The following THRAP3 variants were observed in gnomAD, a reference collection of about 807,000 sequenced individuals.
THRAP3 encodes the protein thyroid hormone receptor associated protein 3, also known as thyroid hormone receptor-associated protein 3.
A neutral mutation model predicts 101.0 loss-of-function variants in THRAP3; 16 were observed. The ratio of observed to expected loss-of-function variants is 0.16; its 90% confidence interval spans 0.11 to 0.24. The LOEUF (loss-of-function observed/expected upper bound fraction) is 0.24. Ranked by LOEUF, THRAP3 falls within the 10% of genes least tolerant of loss-of-function variation. THRAP3 has a pLI of 1.00. For synonymous variants in THRAP3, 407 were observed against 422.6 expected, an observed-to-expected ratio of 0.96 and a Z score of 0.45; for missense variants, 989 against 1,202.7, an observed-to-expected ratio of 0.82 and a Z score of 2.63.
intron 1 of THRAP3, among the ~76,000 whole-genome samples, chr1:36,240,104 C>G (rs543075078): frequency 6.6e-6 from 1 of 152,270 alleles, no homozygotes; most frequent in South Asian, 2.1e-4. Context: ...CATTAAGGTT[C>G]TCCAGAGGGA....
At chr1:36,214,209 C>T in the THRAP3 span, among the ~76,000 whole-genome samples, 10 of 152,282 alleles carry the variant, frequency 6.6e-5, no homozygotes, top group African/African-American at 2.4e-4. Flanking sequence ...GTTGGCTCTC[C>T]GTAGGTGGCA....
intron 1 of THRAP3, among the ~76,000 whole-genome samples, chr1:36,256,947 C>T (rs1645383680): frequency 6.6e-6 from 1 of 152,096 alleles, no homozygotes; most frequent in Non-Finnish European, 1.5e-5. Flanking sequence ...AGGCACCAGC[C>T]ACCTCGCCAG....
chr1:36,305,178 C>T lies in THRAP3; in HGVS notation c.*1161C>T, dbSNP rs1557465541. 4.5e-6 allele frequency: 1 copy of T among 221,634 alleles called. No individual in the cohort carries two copies. 13.7% of individuals were successfully genotyped at this position (221,634 alleles called of 1,614,324 possible). A position where few individuals can be genotyped will look rare whatever the true frequency, so the allele number is the denominator to read the frequency against. ...ATATGTTATATGCGGACTGCACCCA[C>T]CTCTCCCCCCCAGCCTTTGCCTCTT... On this transcript the variant is annotated 3_prime_UTR_variant, in exon 12 of 12. Transcript: ENST00000354618.
At chr1:36,268,701 T>C (rs1645546752) in intron 2 of THRAP3, among the ~76,000 whole-genome samples, 1 of 151,746 alleles carries the variant, frequency 6.6e-6, no homozygotes, top group Admixed American at 6.6e-5. Context: ...AGAAAAGTAA[T>C]CCATGTGTCC....
At chr1:36,275,229 G>A (rs1159172635) in intron 2 of THRAP3, among the ~76,000 whole-genome samples, 3 of 148,542 alleles carry the variant, frequency 2.0e-5, no homozygotes, top group African/African-American at 5.0e-5. Flanking sequence ...GGCGGAGCTT[G>A]CAGCAAGGTA....
chr1:36,232,281 A>G (rs968477830), intron 1 of THRAP3, among the ~76,000 whole-genome samples: 5 of 152,180 alleles, frequency 3.3e-5, no homozygotes, highest in Non-Finnish European at 5.9e-5. Flanking sequence ...GACCCTTTAC[A>G]TAGCCTTGCT....
At chr1:36,243,570 A>G (rs1645190438) in intron 1 of THRAP3, among the ~76,000 whole-genome samples, 1 of 152,200 alleles carries the variant, frequency 6.6e-6, no homozygotes, top group East Asian at 1.9e-4. Context: ...AGCACAGAAC[A>G]AAATGAAAAG....
chr1:36,278,380 A>G (rs1280113761), intron 2 of THRAP3, among the ~76,000 whole-genome samples: 1 of 152,048 alleles, frequency 6.6e-6, no homozygotes, highest in South Asian at 2.1e-4. Flanking sequence ...TCGGGTTTTG[A>G]CCGTAAATGT....
chr1:36,228,770 T>G (rs530563391), intron 1 of THRAP3, among the ~76,000 whole-genome samples: 1 of 152,238 alleles, frequency 6.6e-6, no homozygotes, highest in East Asian at 1.9e-4. Context: ...GTTCTCCTTC[T>G]ACCATATTCG....
At chr1:36,260,166 C>A (rs949933291) in intron 2 of THRAP3, among the ~76,000 whole-genome samples, 1 of 152,118 alleles carries the variant, frequency 6.6e-6, no homozygotes, top group Non-Finnish European at 1.5e-5. Context: ...CACTTCAATG[C>A]AGAAGGTAGA....
chr1:36,256,238 C>T (rs1394257648), intron 1 of THRAP3, among the ~76,000 whole-genome samples: 2 of 143,290 alleles, frequency 1.4e-5, no homozygotes, highest in African/African-American at 2.7e-5. Flanking sequence ...ATTATTATTA[C>T]TTTTTGAGAT....
rs941727966 is a variant in THRAP3 at position 36,289,043 on chromosome 1, T to C, written c.1041-17T>C. 2.6e-6 allele frequency: 4 copies of C among 1,549,720 alleles called. No individual in the cohort carries two copies. Among genetic ancestry groups the C allele is most frequent in the Admixed American group, 2.1e-5 (1 of 47,180 alleles). ...TAAGAAGCCTCTTGTGTCTCTCTCT[T>C]GTGTTTTTATAAATAGGTATCTAGA... On this transcript the variant is annotated splice_polypyrimidine_tract_variant and intron_variant, in intron 4 of 11. Transcript: ENST00000354618.
intron 1 of THRAP3, among the ~76,000 whole-genome samples, chr1:36,226,737 C>G (rs1256743325): frequency 2.6e-5 from 4 of 152,044 alleles, no homozygotes; most frequent in African/African-American, 9.7e-5. Context: ...AAGATCTGTT[C>G]ACTGTTTGAC....
intron 1 of THRAP3, 123 bp from the exon 2 acceptor site, chr1:36,259,259 T>G (rs967872404): frequency 2.5e-6 from 1 of 394,796 alleles, no homozygotes; most frequent in African/African-American, 2.1e-5. Context: ...AGAGAAAAGC[T>G]TGGGTCCTTT....
intron 2 of THRAP3, among the ~76,000 whole-genome samples, chr1:36,276,266 C>A (rs1645659190): frequency 6.6e-6 from 1 of 151,136 alleles, no homozygotes; most frequent in African/African-American, 2.4e-5. Flanking sequence ...TGGCTCACAC[C>A]TGTAATCCCA....
chr1:36,267,301 A>AT (rs1645528346), intron 2 of THRAP3, among the ~76,000 whole-genome samples: 1 of 152,094 alleles, frequency 6.6e-6, no homozygotes, highest in Non-Finnish European at 1.5e-5. Context: ...ACCTAATTCC[A>AT]TTTTTTAGGA....
chr1:36,278,047 G>A (rs948624151), intron 2 of THRAP3, among the ~76,000 whole-genome samples: 3 of 148,938 alleles, frequency 2.0e-5, no homozygotes, highest in South Asian at 2.1e-4. Flanking sequence ...GGTTACGGTC[G>A]TGAGCCCAGC....
intron 8 of THRAP3, among the ~76,000 whole-genome samples, chr1:36,294,615 A>G (rs1018826846): frequency 6.6e-6 from 1 of 152,192 alleles, no homozygotes; most frequent in Non-Finnish European, 1.5e-5. Flanking sequence ...GGTTATTCCA[A>G]TGCTGCTGAA....
In THRAP3 at chr1:36,291,443, G is replaced by A. The variant is rs146222773; in HGVS notation, c.1815G>A (p.Gln605=). 4 of 1,614,204 alleles carry A rather than the reference G, an allele frequency of 2.5e-6. No homozygotes were observed. The highest frequency in any genetic ancestry group is 3.4e-6 in the Non-Finnish European group (4 of 1,180,038). Residue 605 remains glutamine, a synonymous_variant, in exon 6 of 12, where the codon CAG becomes CAA. Coordinates refer to ENST00000354618, the MANE Select transcript of THRAP3 (RefSeq NM_005119.4). ...RDLVHSNKKE[Q]EFRSIFQHIQ... ...TAGTCCATAGCAACAAAAAGGAACA[G>A]GAGTTTCGTTCCATTTTCCAGCACA... is the stretch of plus-strand genomic sequence containing the variant.
Sources: allele counts gnomAD v4.1 joint callset (sites outside exome capture counted in the v4.1 genomes callset), GRCh38; gene constraint gnomAD v4.1.1; transcripts MANE v1.5; gene names NCBI Gene and HGNC (gene_info 2026-07-23, HGNC 2026-07-21).